Variants in IQCB1 observed in about 807,000 individuals in gnomAD.
The protein encoded by IQCB1 is IQ motif containing B1.
A neutral mutation model predicts 84.4 loss-of-function variants in IQCB1; 56 were observed. The ratio of observed to expected loss-of-function variants is 0.66; its 90% CI spans 0.54 to 0.83. IQCB1 has a LOEUF of 0.83. Among genes scored for constraint, IQCB1 ranks in the 40% least tolerant of loss-of-function variants. The probability of loss-of-function intolerance (pLI) is 0.00; values close to 1 mark genes in which losing one functional copy is unlikely to be tolerated. For missense variants in IQCB1, 629 were observed against 682.1 expected (o/e 0.92, Z 0.87); for synonymous variants, 210 against 234.8 (o/e 0.89, Z 0.96).
intron 2 of IQCB1, among the ~76,000 whole-genome samples, chr3:121,829,725 G>A (rs1950568579): frequency 1.3e-5 from 2 of 152,266 alleles, no homozygotes; most frequent in African/African-American, 2.4e-5. Context: ...GTTTGTACCT[G>A]ATTTCCCCCA....
In IQCB1 at chr3:121,828,010, T is replaced by C. The variant is rs78550073; in HGVS notation, c.263+460A>G. Among the ~76,000 whole-genome samples, 548 of 152,284 alleles carry C rather than the reference T, an allele frequency of 3.6e-3. 4 individuals carry two copies. The highest frequency in any genetic ancestry group is 0.013 in the African/African-American group (525 of 41,580). The stretch of plus-strand genomic sequence containing the variant: ...ATGAAATACACAGTTGATAGCTACA[T>C]TGATATAGTGAAATAAAATGTTTCT... On this transcript the variant is annotated intron_variant, in intron 4 of 14. Transcript: ENST00000310864.
intron 13 of IQCB1, among the ~76,000 whole-genome samples, chr3:121,773,080 TG>T (rs1948069836): frequency 6.6e-6 from 1 of 152,102 alleles, no homozygotes; most frequent in Non-Finnish European, 1.5e-5. Flanking sequence ...CCCAGCACTC[TG>T]GGAGGCCAAG....
At chr3:121,787,469 G>C (rs1008783407) in intron 12 of IQCB1, among the ~76,000 whole-genome samples, 16 of 152,156 alleles carry the variant, frequency 1.1e-4, no homozygotes, top group Admixed American at 5.9e-4. Flanking sequence ...TTAAGAATAA[G>C]AGGCCGGGAG....
intron 4 of IQCB1, among the ~76,000 whole-genome samples, chr3:121,827,615 A>G (rs1381337939): frequency 2.0e-5 from 3 of 152,136 alleles, no homozygotes; most frequent in South Asian, 2.1e-4. Flanking sequence ...AAATTAAAGT[A>G]TGAAAAAGAA....
In IQCB1 at chr3:121,826,221, G is replaced by A. The variant is rs776933827; in HGVS notation, c.264-41C>T. ...AAGTTCGTGTTAATTAGAAGTTTAT[G>A]TTGAATGCTCAAGCTTCTAGAGACA... On this transcript the variant is annotated intron_variant, in intron 4 of 14. Transcript: ENST00000310864. 9.4e-6 allele frequency: 15 copies of A among 1,604,006 alleles called. No homozygotes were observed. In the Admixed American group the frequency reaches 1.8e-4, roughly 20 times the overall value.
chr3:121,805,275 TCAGTACTGCAAGATACATG>T (rs1347464781), intron 7 of IQCB1, among the ~76,000 whole-genome samples: 4 of 152,154 alleles, frequency 2.6e-5, no homozygotes, highest in Non-Finnish European at 5.9e-5. Context: ...CTATCATGTA[TCAGTACTGCAAGATACATG>T]CAGTACTGCA....
chr3:121,790,005 A>G, intron 11 of IQCB1, 68 bp downstream of exon 11: 3 of 1,360,792 alleles, frequency 2.2e-6, no homozygotes, highest in Non-Finnish European at 3.1e-6. Context: ...TCACGTAGCT[A>G]GAAAAGTTGG....
intron 12 of IQCB1, among the ~76,000 whole-genome samples, chr3:121,786,516 A>AC (rs1948744622): frequency 7.0e-6 from 1 of 142,326 alleles, no homozygotes; most frequent in African/African-American, 2.6e-5. Context: ...AAAAAAAGTA[A>AC]TCCTCTTATT....
intron 13 of IQCB1, among the ~76,000 whole-genome samples, chr3:121,781,246 T>A (rs1368417035): frequency 6.6e-6 from 1 of 152,188 alleles, no homozygotes; most frequent in East Asian, 1.9e-4. Flanking sequence ...CATCCTGTGG[T>A]CATAGAAAGT....
chr3:121,834,957 A>T lies in IQCB1; in HGVS notation c.-102+9T>A. The T allele has an allele frequency of 2.4e-6, 1 of 413,200 alleles. No individual in the cohort carries two copies. The highest frequency in any genetic ancestry group is 2.6e-5 in the South Asian group (1 of 39,040). The allele number at this position is 413,200 out of a possible 1,614,324, so 25.6% of individuals were successfully genotyped here. A position where few individuals can be genotyped will look rare whatever the true frequency, so the allele number is the denominator to read the frequency against. ...TCTCCCTCCCCAGCCACCACCTCAG[A>T]TAAGTTACCTCATCCTCGCTTCGCG... On this transcript the variant is annotated intron_variant, in intron 1 of 14. Coordinates refer to ENST00000310864, the MANE Select transcript of IQCB1 (RefSeq NM_001023570.4).
chr3:121,826,287 C>T, intron 4 of IQCB1, 107 bp from the exon 5 acceptor site: 1 of 1,089,366 alleles, frequency 9.2e-7, no homozygotes, highest in South Asian at 1.3e-5. Context: ...TCTTTTGTTA[C>T]CAAGACAATA....
At chr3:121,780,883 T>TGTGTGTGTGA (rs34302377) in intron 13 of IQCB1, among the ~76,000 whole-genome samples, 2 of 148,900 alleles carry the variant, frequency 1.3e-5, no homozygotes, top group Non-Finnish European at 3.0e-5. Context: ...TGTGTGTGTG[T>TGTGTGTGTGA]GAGAGAGAGA....
chr3:121,783,662 T>C (rs1383370962), intron 12 of IQCB1, among the ~76,000 whole-genome samples: 1 of 152,194 alleles, frequency 6.6e-6, no homozygotes, highest in Non-Finnish European at 1.5e-5. Flanking sequence ...TGGACACATT[T>C]TCTCGAGCTT....
intron 2 of IQCB1, among the ~76,000 whole-genome samples, chr3:121,829,812 C>T (rs958943149): frequency 2.0e-5 from 3 of 152,206 alleles, no homozygotes; most frequent in Non-Finnish European, 4.4e-5. Context: ...ACACTATATT[C>T]TGAGTCCTGT....
intron 5 of IQCB1, among the ~76,000 whole-genome samples, chr3:121,819,511 C>T (rs1300503433): frequency 6.6e-6 from 1 of 152,106 alleles, no homozygotes; most frequent in Non-Finnish European, 1.5e-5. Context: ...TAGTCTGTGG[C>T]CTGGGGGCTG....
chr3:121,794,882 CAG>C (rs1559770072), intron 10 of IQCB1, among the ~76,000 whole-genome samples: 2 of 152,214 alleles, frequency 1.3e-5, no homozygotes, highest in East Asian at 1.9e-4. Flanking sequence ...ACCTCTGAAA[CAG>C]ATCTTCTTTA....
intron 12 of IQCB1, among the ~76,000 whole-genome samples, chr3:121,783,051 A>G (rs1948569731): frequency 6.6e-6 from 1 of 152,222 alleles, no homozygotes; most frequent in Non-Finnish European, 1.5e-5. Flanking sequence ...CATGTGACAC[A>G]CTACATGACC....
chr3:121,792,623 C>T (rs893285084), intron 10 of IQCB1, among the ~76,000 whole-genome samples: 1 of 129,354 alleles, frequency 7.7e-6, no homozygotes, highest in Admixed American at 9.0e-5. Flanking sequence ...GATTGCGCCA[C>T]TGCACTCCCG....
chr3:121,797,317 T>C (rs941411339), intron 8 of IQCB1, 90 bp from the exon 9 acceptor site: 4 of 620,170 alleles, frequency 6.4e-6, no homozygotes, highest in Non-Finnish European at 1.1e-5. Flanking sequence ...AGCTAAAAAG[T>C]CTGGCTTAAA....
Sources: gnomAD v4.1 joint callset for allele counts (sites outside exome capture counted in the v4.1 genomes callset) on GRCh38, gnomAD v4.1.1 for gene constraint, MANE v1.5 for transcripts, NCBI Gene and HGNC (gene_info 2026-07-23, HGNC 2026-07-21) for gene names.